Variants in DNAH8 observed in about 807,000 individuals in gnomAD.
DNAH8 encodes dynein axonemal heavy chain 8, also known as axonemal beta dynein heavy chain 8.
A neutral mutation model predicts 562.1 loss-of-function variants in DNAH8; 382 were observed. The ratio of observed to expected loss-of-function variants is 0.68; its 90% CI spans 0.63 to 0.74. The LOEUF (loss-of-function observed/expected upper bound fraction) is 0.74. Ranked by LOEUF, DNAH8 falls within the 30% of genes least tolerant of loss-of-function variation. The pLI, the probability that DNAH8 is intolerant of heterozygous loss-of-function variation, is 0.00. For missense variants in DNAH8, 5,203 were observed against 5,620.4 expected (o/e 0.93, Z 2.37); for synonymous variants, 1,881 against 1,919.4 (o/e 0.98, Z 0.52).
Position 38,847,745 on chromosome 6 carries a change from C to T in DNAH8, c.5046-903C>T, listed in dbSNP as rs191714136. On this transcript the variant is annotated intron_variant, in intron 36 of 92. Coordinates refer to ENST00000327475, the MANE Select transcript of DNAH8 (RefSeq NM_001206927.2). ...CACTGCACCACATTGAAACTGCTTG[C>T]CCTTGCTACACACTGCAGTCGGCTT... Among the ~76,000 whole-genome samples the T allele has an allele frequency of 3.9e-5, 6 of 152,288 alleles. No individual in the cohort carries two copies. In the East Asian group the frequency reaches 1.2e-3, roughly 29 times the overall value.
chr6:39,024,574 C>A (rs1453401617), intron 91 of DNAH8, among the ~76,000 whole-genome samples: 1 of 152,154 alleles, frequency 6.6e-6, no homozygotes, highest in East Asian at 1.9e-4. Context: ...CATCTGTAAA[C>A]CCAGCTACTC....
At position 38,770,538 on chromosome 6, in the gene DNAH8, T is replaced by G. The variant is rs750817153; in HGVS notation, c.1743T>G (p.Ala581=). Residue 581 remains alanine, a synonymous_variant, in exon 12 of 93, where the codon GCT becomes GCG. Transcript: ENST00000327475. The stretch of plus-strand genomic sequence containing the variant: ...TGTATATATTTGGAAAATTTGAAGC[T>G]TTTTGCAAAAGACTGGAGAAGGTAA... ...SEMYIFGKFE[A]FCKRLEKITE... The G allele has an allele frequency of 6.2e-7, 1 of 1,601,566 alleles. No individual in the cohort carries two copies. The highest frequency in any genetic ancestry group is 1.8e-5 in the Admixed American group (1 of 56,380).
chr6:38,857,338 C>A (rs952530768), intron 41 of DNAH8, among the ~76,000 whole-genome samples, 180 bp from the exon 42 acceptor site: 3 of 152,200 alleles, frequency 2.0e-5, no homozygotes, highest in Non-Finnish European at 4.4e-5. Context: ...ATTAATCTAT[C>A]TACTTTGAAA....
intron 26 of DNAH8, among the ~76,000 whole-genome samples, chr6:38,820,153 G>T (rs545103192): frequency 6.6e-6 from 1 of 152,162 alleles, no homozygotes; most frequent in African/African-American, 2.4e-5. Flanking sequence ...AAGCAAGGTA[G>T]GGGGTCCTGC....
intron 35 of DNAH8, among the ~76,000 whole-genome samples, chr6:38,844,687 A>G (rs1037721255): frequency 2.0e-5 from 3 of 152,138 alleles, no homozygotes; most frequent in Non-Finnish European, 4.4e-5. Flanking sequence ...TGTCTACCCC[A>G]GATACATCTA....
intron 43 of DNAH8, among the ~76,000 whole-genome samples, chr6:38,861,175 C>A (rs6928952): frequency 0.42 from 64,136 of 152,004 alleles, 14,168 homozygotes; most frequent in East Asian, 0.69. Flanking sequence ...AAATTGCGTT[C>A]TTTAATATTA....
intron 21 of DNAH8, among the ~76,000 whole-genome samples, chr6:38,800,224 T>G (rs1024562642): frequency 1.2e-4 from 19 of 152,194 alleles, no homozygotes; most frequent in Non-Finnish European, 2.1e-4. Flanking sequence ...TTTTTTTTTT[T>G]TGTGGACTTA....
chr6:38,854,618 C>T (rs1776038016), intron 41 of DNAH8, among the ~76,000 whole-genome samples: 2 of 152,016 alleles, frequency 1.3e-5, no homozygotes, highest in African/African-American at 2.4e-5. Context: ...TTATAAAATA[C>T]TTTGTTAAAT....
At chr6:38,965,157 T>TTAAA (rs1762890549) in intron 82 of DNAH8, among the ~76,000 whole-genome samples, 2 of 152,122 alleles carry the variant, frequency 1.3e-5, no homozygotes, top group South Asian at 4.1e-4. Context: ...TTAATATAGA[T>TTAAA]AGGTCTACAA....
At chr6:38,735,982 C>CA (rs1243802800) in intron 5 of DNAH8, among the ~76,000 whole-genome samples, 1 of 152,020 alleles carries the variant, frequency 6.6e-6, no homozygotes, top group African/African-American at 2.4e-5. Flanking sequence ...TACTAAAATA[C>CA]AAAAAATCAG....
At chr6:38,775,227 A>G (rs1767947489) in intron 12 of DNAH8, among the ~76,000 whole-genome samples, 1 of 152,206 alleles carries the variant, frequency 6.6e-6, no homozygotes, top group Non-Finnish European at 1.5e-5. Context: ...AGACAAAGAC[A>G]GCCATTTCTG....
chr6:39,011,307 G>T (rs991893240), intron 89 of DNAH8, among the ~76,000 whole-genome samples: 1 of 152,196 alleles, frequency 6.6e-6, no homozygotes, highest in African/African-American at 2.4e-5. Context: ...TGAGGGGGCA[G>T]TGGGCATCTC....
intron 47 of DNAH8, 39 bp from the exon 48 acceptor site, chr6:38,868,023 T>A: frequency 6.3e-7 from 1 of 1,589,782 alleles, no homozygotes; most frequent in Non-Finnish European, 8.6e-7. Context: ...GTTTAGTTTT[T>A]CAATTAAACC....
chr6:38,721,570 A>G (rs765213155), intron 1 of DNAH8, among the ~76,000 whole-genome samples: 1 of 152,042 alleles, frequency 6.6e-6, no homozygotes, highest in South Asian at 2.1e-4. Flanking sequence ...GGGAAGGCTA[A>G]AAAAACCCTG....
chr6:38,823,757 C>T (rs1460960776), intron 28 of DNAH8, 69 bp downstream of exon 28: 4 of 1,119,880 alleles, frequency 3.6e-6, no homozygotes, highest in Non-Finnish European at 5.1e-6. Context: ...ATTTAGCAAG[C>T]AGTTATTAAG....
rs1781917741 is a variant in DNAH8 at position 38,923,980 on chromosome 6, T to TTTC, written c.10791-7_10791-5dup. 2.5e-6 allele frequency: 4 copies of TTTC among 1,613,480 alleles called. No homozygotes were observed. ...TCACTTTGGGGAGGGGGCTGTGTGT[T>TTTC]TTCTTCACAGACTTGTAGGTGATAT... On this transcript the variant is annotated splice_polypyrimidine_tract_variant and intron_variant, in intron 72 of 92. Coordinates refer to ENST00000327475, the MANE Select transcript of DNAH8 (RefSeq NM_001206927.2).
At position 38,868,130 on chromosome 6, in the gene DNAH8, C is replaced by G. The variant is rs1777198112; in HGVS notation, c.6762C>G (p.Ala2254=). Residue 2254 remains alanine (A), a synonymous_variant, in exon 48 of 93, where the codon GCC becomes GCG. Transcript: ENST00000327475. Reference sequence around the variant, plus strand: ...GGACTCTTGGATCTCAAAAAAGAGCCAGACCAGAAGATAGTGAATTAAGCA... The same window carrying G: ...GGACTCTTGGATCTCAAAAAAGAGCGAGACCAGAAGATAGTGAATTAAGCA... ...VLRTLGSQKR[A]RPEDSELSIV... 6.2e-7 allele frequency: 1 copy of G among 1,613,544 alleles called. No homozygotes were observed. The highest frequency in any genetic ancestry group is 1.3e-5 in the African/African-American group (1 of 74,894).
At chr6:38,913,474 C>T (rs1403604506) in intron 66 of DNAH8, among the ~76,000 whole-genome samples, 2 of 152,038 alleles carry the variant, frequency 1.3e-5, no homozygotes, top group African/African-American at 4.8e-5. Flanking sequence ...TTTCATTTGC[C>T]ACCTCAGCTG....
intron 70 of DNAH8, among the ~76,000 whole-genome samples, chr6:38,921,145 G>A (rs992812255): frequency 2.6e-5 from 4 of 152,090 alleles, no homozygotes; most frequent in African/African-American, 9.7e-5. Context: ...GCCTCTCAAA[G>A]TTCTGGGATT....
Sources: gnomAD v4.1 joint callset for allele counts (sites outside exome capture counted in the v4.1 genomes callset) on GRCh38, gnomAD v4.1.1 for gene constraint, MANE v1.5 for transcripts, NCBI Gene and HGNC (gene_info 2026-07-23, HGNC 2026-07-21) for gene names.